MALRD1: variants seen among roughly 807,000 people sequenced by gnomAD.
MALRD1 encodes the protein MAM and LDL receptor class A domain containing 1.
MALRD1 carries 247 observed loss-of-function variants against 242.1 expected under a neutral mutation model. The observed-to-expected ratio is 1.02, with a 90% CI of 0.92 to 1.13. The LOEUF is 1.13. Ranked by LOEUF, MALRD1 falls within the 50% of genes most tolerant of loss-of-function variation. The pLI is 0.00. For missense variants in MALRD1, 2,989 were observed against 2,533.1 expected (o/e 1.18, Z -3.86); for synonymous variants, 995 against 866.6 (o/e 1.15, Z -2.60).
chr10:19,586,324 T>G (rs1837399502), intron 33 of MALRD1, among the ~76,000 whole-genome samples: 1 of 152,176 alleles, frequency 6.6e-6, no homozygotes, highest in Non-Finnish European at 1.5e-5. Context: ...GTTTCCAGTT[T>G]TTCTGCTCTG....
chr10:19,081,032 A>G (rs2131279616), intron 2 of MALRD1, among the ~76,000 whole-genome samples: 1 of 152,300 alleles, frequency 6.6e-6, no homozygotes, highest in South Asian at 2.1e-4. Context: ...ATCATTGATT[A>G]GTAGAGAAAT....
chr10:19,467,437 A>G (rs1157624699), intron 29 of MALRD1, among the ~76,000 whole-genome samples: 1 of 148,134 alleles, frequency 6.8e-6, no homozygotes, highest in Non-Finnish European at 1.5e-5. Flanking sequence ...TTACAGCGCT[A>G]TCTCCAAATA....
chr10:19,298,735 A>G (rs943240776), intron 21 of MALRD1, among the ~76,000 whole-genome samples: 12 of 151,990 alleles, frequency 7.9e-5, no homozygotes, highest in Non-Finnish European at 2.9e-5. Flanking sequence ...AGCGGGTGAG[A>G]AGTTAAGAGT....
In MALRD1 at chr10:19,377,180, A is replaced by T. The variant is rs550086621; in HGVS notation, c.4442-10348A>T. Among the ~76,000 whole-genome samples, 379 of 152,276 alleles carry T rather than the reference A, an allele frequency of 2.5e-3. 2 individuals carry two copies. The highest frequency in any genetic ancestry group is 8.8e-3 in the African/African-American group (366 of 41,564). ...AAGCACCTTAATTCCATTGCTAGAT[A>T]ATTTGTTGGTTAACTTTTGCAAAGT... On this transcript the variant is annotated intron_variant, in intron 26 of 39. Coordinates refer to ENST00000454679, the MANE Select transcript of MALRD1 (RefSeq NM_001142308.3).
At chr10:19,723,040 C>T (rs1209176175) in intron 38 of MALRD1, among the ~76,000 whole-genome samples, 1 of 152,090 alleles carries the variant, frequency 6.6e-6, no homozygotes, top group African/African-American at 2.4e-5. Flanking sequence ...AATTCTCTTT[C>T]CACCATCTTA....
intron 36 of MALRD1, among the ~76,000 whole-genome samples, chr10:19,674,962 T>C (rs1842076136): frequency 6.6e-6 from 1 of 151,060 alleles, no homozygotes; most frequent in Non-Finnish European, 1.5e-5. Context: ...TTCAGGACAT[T>C]TTTTTAAAAA....
intron 14 of MALRD1, among the ~76,000 whole-genome samples, chr10:19,177,873 C>T (rs960181180): frequency 2.6e-5 from 4 of 152,014 alleles, no homozygotes; most frequent in African/African-American, 9.7e-5. Context: ...CAGGAAAGGA[C>T]CCCTCTAGAA....
intron 38 of MALRD1, among the ~76,000 whole-genome samples, chr10:19,695,289 G>C (rs1044470531): frequency 6.6e-6 from 1 of 152,080 alleles, no homozygotes; most frequent in African/African-American, 2.4e-5. Context: ...GAGATGAGGG[G>C]CTAGATTTGC....
intron 2 of MALRD1, among the ~76,000 whole-genome samples, chr10:19,070,539 T>A (rs954937629): frequency 2.0e-5 from 3 of 152,150 alleles, no homozygotes; most frequent in African/African-American, 7.2e-5. Context: ...TAGGTTGTTT[T>A]AGTTTAAAAA....
intron 6 of MALRD1, among the ~76,000 whole-genome samples, chr10:19,123,974 G>T (rs1401315741): frequency 6.6e-6 from 1 of 150,912 alleles, no homozygotes; most frequent in African/African-American, 2.4e-5. Context: ...GGGAGGCCGG[G>T]ATGAGAGGAT....
intron 24 of MALRD1, among the ~76,000 whole-genome samples, chr10:19,343,400 T>A (rs1477053366): frequency 1.3e-5 from 2 of 151,970 alleles, no homozygotes; most frequent in Non-Finnish European, 2.9e-5. Context: ...CTGCAGCATT[T>A]CATTACATGC....
At chr10:19,479,573 A>G (rs1237773782) in intron 29 of MALRD1, among the ~76,000 whole-genome samples, 4 of 152,210 alleles carry the variant, frequency 2.6e-5, no homozygotes, top group African/African-American at 9.7e-5. Flanking sequence ...TAATATATTA[A>G]TATGTAATGT....
intron 33 of MALRD1, among the ~76,000 whole-genome samples, 169 bp downstream of exon 33, chr10:19,567,872 C>T (rs910117814): frequency 4.6e-5 from 7 of 152,140 alleles, no homozygotes; most frequent in East Asian, 3.8e-4. Flanking sequence ...CTATGAACTT[C>T]GCCATGAAAT....
chr10:19,297,021 T>TAAA (rs1841734936), intron 21 of MALRD1, among the ~76,000 whole-genome samples: 2 of 151,432 alleles, frequency 1.3e-5, no homozygotes, highest in Non-Finnish European at 3.0e-5. Context: ...TAATGCCTTT[T>TAAA]GTGATCTACT....
intron 9 of MALRD1, among the ~76,000 whole-genome samples, chr10:19,135,455 A>G (rs929342445): frequency 6.6e-6 from 1 of 152,140 alleles, no homozygotes; most frequent in African/African-American, 2.4e-5. Flanking sequence ...CACCTGACCT[A>G]TCCCTCATGT....
intron 10 of MALRD1, among the ~76,000 whole-genome samples, chr10:19,139,841 A>G (rs1588603424): frequency 6.6e-6 from 1 of 152,164 alleles, no homozygotes; most frequent in Non-Finnish European, 1.5e-5. Context: ...TACATGGAAC[A>G]AGGTCCCAGG....
chr10:19,549,283 G>C (rs1835378940), intron 32 of MALRD1, among the ~76,000 whole-genome samples: 1 of 152,214 alleles, frequency 6.6e-6, no homozygotes, highest in African/African-American at 2.4e-5. Flanking sequence ...GCTTGATAAA[G>C]CCGCAGCAGG....
Position 19,530,430 on chromosome 10 carries a change from A to ATTTT in MALRD1, c.5321-763_5321-762insTTTT, listed in dbSNP as rs1564417514. Among the ~76,000 whole-genome samples, 2 of 20,534 alleles carry ATTTT rather than the reference A, an allele frequency of 9.7e-5. 1 individual carries two copies. Among genetic ancestry groups the ATTTT allele is most frequent in the African/African-American group, 1.5e-4 (2 of 13,648 alleles). The allele number at this position is 20,534 out of a possible 152,430, so 13.5% of individuals were successfully genotyped here. Reference sequence around the variant, plus strand: ...ATATTTATATAATAATAAATATATAATATATATAATATATAATATATAATA... The same window carrying ATTTT: ...ATATTTATATAATAATAAATATATAATTTTTATATATAATATATAATATATAATA... On this transcript the variant is annotated intron_variant, in intron 31 of 39. Transcript: ENST00000454679.
intron 14 of MALRD1, among the ~76,000 whole-genome samples, chr10:19,188,360 A>G (rs1236144304): frequency 6.6e-6 from 1 of 152,214 alleles, no homozygotes; most frequent in East Asian, 1.9e-4. Flanking sequence ...GAAGGGCTCA[A>G]GGAAGCAAGA....
Sources: allele counts gnomAD v4.1 joint callset (sites outside exome capture counted in the v4.1 genomes callset), GRCh38; gene constraint gnomAD v4.1.1; transcripts MANE v1.5; gene names NCBI Gene and HGNC (gene_info 2026-07-23, HGNC 2026-07-21).